Variants in MYT1L observed in about 807,000 individuals in gnomAD.
MYT1L encodes the protein myelin transcription factor 1-like protein.
A neutral mutation model predicts 126.7 loss-of-function variants in MYT1L; 12 were observed. That is an observed-to-expected ratio of 0.09 (90% CI 0.06 to 0.15). The LOEUF (loss-of-function observed/expected upper bound fraction) is 0.15. Ranked by LOEUF, MYT1L falls within the 10% of genes least tolerant of loss-of-function variation. MYT1L has a pLI of 1.00. For synonymous variants in MYT1L, 541 were observed against 604.2 expected, an observed-to-expected ratio of 0.90 and a Z score of 1.53; for missense variants, 979 against 1,585.2, an observed-to-expected ratio of 0.62 and a Z score of 6.49.
intron 3 of MYT1L, among the ~76,000 whole-genome samples, chr2:2,124,085 A>G (rs781303821): frequency 6.6e-6 from 1 of 152,318 alleles, no homozygotes; most frequent in Non-Finnish European, 1.5e-5. Context: ...GCAACAATAC[A>G]GAGACTTTTC....
rs116099797 is a variant in MYT1L at position 2,061,431 on chromosome 2, C to T, written c.-303-7308G>A. On this transcript the variant is annotated intron_variant, in intron 3 of 24. Coordinates refer to ENST00000647738, the MANE Select transcript of MYT1L (RefSeq NM_001303052.2). ...AAAACTATATTTATGCTATTCAGTT[C>T]TAAATATAGAAATTGAAACAGCTGT... Among the ~76,000 whole-genome samples the T allele has an allele frequency of 6.6e-3, 1,011 of 152,182 alleles. 10 individuals carry two copies. Among genetic ancestry groups the T allele is most frequent in the African/African-American group, 0.023 (958 of 41,504 alleles).
intron 2 of MYT1L, among the ~76,000 whole-genome samples, chr2:2,194,535 C>T (rs12470060): frequency 0.13 from 19,818 of 152,102 alleles, 1,299 homozygotes; most frequent in Non-Finnish European, 0.15. Context: ...ACCTTGCTGC[C>T]GTTTGGAAGC....
At chr2:2,167,380 A>T (rs372947449) in intron 3 of MYT1L, among the ~76,000 whole-genome samples, 14 of 152,196 alleles carry the variant, frequency 9.2e-5, no homozygotes, top group African/African-American at 3.1e-4. Flanking sequence ...ACACACCTTC[A>T]CCTTCTTCAA....
chr2:2,069,361 T>G (rs181236357), intron 3 of MYT1L, among the ~76,000 whole-genome samples: 2 of 152,184 alleles, frequency 1.3e-5, no homozygotes, highest in African/African-American at 2.4e-5. Context: ...CTGAGAATGA[T>G]GGTTTCCAAC....
chr2:2,041,375 G>T (rs951768226), intron 4 of MYT1L, among the ~76,000 whole-genome samples: 6 of 152,176 alleles, frequency 3.9e-5, no homozygotes, highest in Non-Finnish European at 7.3e-5. Context: ...GGAAGCTACT[G>T]GGGGAGAGAG....
In MYT1L at chr2:1,929,705, C is replaced by T. The variant is rs74728834; in HGVS notation, c.506-6442G>A. On this transcript the variant is annotated intron_variant, in intron 9 of 24. Transcript: ENST00000647738. This position sits in a 1 kb window ranked among gnomAD's most constrained non-coding sequence, Gnocchi z 4.7. ...GAGTATAGATTAGCACAGACATTTTCTCCAGTGCCGGCCATTGCCATTTTC... is the reference window on the plus strand; with the variant it reads ...GAGTATAGATTAGCACAGACATTTTTTCCAGTGCCGGCCATTGCCATTTTC... Among the ~76,000 whole-genome samples the T allele has an allele frequency of 6.6e-6, 1 of 152,348 alleles. No homozygotes were observed. The highest frequency in any genetic ancestry group is 1.9e-4 in the East Asian group (1 of 5,176).
intron 2 of MYT1L, among the ~76,000 whole-genome samples, chr2:2,282,775 C>G (rs1559545038): frequency 2.0e-5 from 3 of 152,118 alleles, no homozygotes; most frequent in Non-Finnish European, 4.4e-5. Context: ...AATAAGGTAA[C>G]AGAAAAGTAG....
At chr2:2,112,901 C>G (rs1226745768) in intron 3 of MYT1L, among the ~76,000 whole-genome samples, 2 of 152,202 alleles carry the variant, frequency 1.3e-5, no homozygotes, top group African/African-American at 4.8e-5. Flanking sequence ...TCATCATCTG[C>G]AAATGCCTGT....
rs1020407149 is a variant in MYT1L at position 2,262,231 on chromosome 2, T to A, written c.-421+22173A>T. On this transcript the variant is annotated intron_variant, in intron 2 of 24. Transcript: ENST00000647738. The stretch of plus-strand genomic sequence containing the variant: ...AATGAATGAATGAATGTGTGTTTTA[T>A]CTATTTCTTAAGTTCTCTTTCTGGA... Among the ~76,000 whole-genome samples, 3 of 152,350 alleles carry A rather than the reference T, an allele frequency of 2.0e-5. No homozygotes were observed. In the East Asian group the frequency reaches 5.8e-4, roughly 29 times the overall value.
chr2:2,096,980 C>T (rs1239283153), intron 3 of MYT1L, among the ~76,000 whole-genome samples: 1 of 152,150 alleles, frequency 6.6e-6, no homozygotes, highest in Non-Finnish European at 1.5e-5. Context: ...ACGCCAGCGG[C>T]GGCCAGGCTG....
chr2:1,975,586 G>T (rs2060107621), intron 8 of MYT1L, among the ~76,000 whole-genome samples: 1 of 152,170 alleles, frequency 6.6e-6, no homozygotes, highest in Non-Finnish European at 1.5e-5. Context: ...AAAATGATCT[G>T]GGTGTGGTGG....
In MYT1L at chr2:1,887,378, C is replaced by A. The variant is rs1182041676; in HGVS notation, c.2642+110G>T. On this transcript the variant is annotated intron_variant, in intron 17 of 24. Coordinates refer to ENST00000647738, the MANE Select transcript of MYT1L (RefSeq NM_001303052.2). This position sits in a 1 kb window ranked among gnomAD's most constrained non-coding sequence, Gnocchi z 4.8. The stretch of plus-strand genomic sequence containing the variant: ...AGCAGTCGGAAACATTTATATGCTG[C>A]GAATGTCGCATGCTCAAACGGCAAG... The A allele has an allele frequency of 7.8e-6, 11 of 1,412,418 alleles. No homozygotes were observed. Among genetic ancestry groups the A allele is most frequent in the African/African-American group, 1.4e-5 (1 of 70,666 alleles). The allele number at this position is 1,412,418 out of a possible 1,614,324, so 87.5% of individuals were successfully genotyped here.
intron 3 of MYT1L, among the ~76,000 whole-genome samples, chr2:2,116,242 G>A (rs548715146): frequency 4.6e-5 from 7 of 152,248 alleles, no homozygotes; most frequent in African/African-American, 7.2e-5. Flanking sequence ...GGAAGCTCAC[G>A]GGTCTCCTGT....
chr2:1,936,373 C>G (rs1388885609), intron 9 of MYT1L, among the ~76,000 whole-genome samples: 3 of 152,156 alleles, frequency 2.0e-5, no homozygotes, highest in Admixed American at 2.0e-4. Context: ...TTTTTAAAAT[C>G]ATATATTGAC....
intron 2 of MYT1L, among the ~76,000 whole-genome samples, chr2:2,236,084 C>T (rs1438814840): frequency 6.6e-6 from 1 of 151,714 alleles, no homozygotes; most frequent in Non-Finnish European, 1.5e-5. Flanking sequence ...CAACCCAACC[C>T]AGTATGTCAC....
intron 2 of MYT1L, among the ~76,000 whole-genome samples, chr2:2,181,005 CCT>C (rs1364203605): frequency 7.0e-6 from 1 of 143,740 alleles, no homozygotes; most frequent in Non-Finnish European, 1.5e-5. Flanking sequence ...TGTGTATGTA[CCT>C]GTGTGTGCAC....
chr2:2,103,623 A>AC (rs145502635), intron 3 of MYT1L, among the ~76,000 whole-genome samples: 3,659 of 152,318 alleles, frequency 0.024, 137 homozygotes, highest in African/African-American at 0.08. Flanking sequence ...CATGGCACCC[A>AC]CGTGCAGAGG....
intron 3 of MYT1L, among the ~76,000 whole-genome samples, chr2:2,093,672 T>C (rs1575117343): frequency 6.6e-6 from 1 of 152,200 alleles, no homozygotes; most frequent in Non-Finnish European, 1.5e-5. Context: ...TTTCTTTTGC[T>C]GTGCAGAAGC....
At chr2:2,002,913 C>T (rs1174216887) in intron 4 of MYT1L, among the ~76,000 whole-genome samples, 1 of 152,092 alleles carries the variant, frequency 6.6e-6, no homozygotes, top group Non-Finnish European at 1.5e-5. Context: ...AGGTGCCTTG[C>T]TCCTTCTTTA....
Sources: allele counts gnomAD v4.1 joint callset (sites outside exome capture counted in the v4.1 genomes callset), GRCh38; gene constraint gnomAD v4.1.1; non-coding constraint Gnocchi (gnomAD v3.1); transcripts MANE v1.5; gene names NCBI Gene and HGNC (gene_info 2026-07-23, HGNC 2026-07-21).